EFCAB3: variants seen among roughly 807,000 people sequenced by gnomAD.
EFCAB3 encodes EF-hand calcium binding domain 3.
In EFCAB3, 36 loss-of-function variants were observed where a neutral mutation model predicts 42.2. That is an observed-to-expected ratio of 0.85 (90% CI 0.65 to 1.13). EFCAB3 has a LOEUF of 1.13. Ranked by LOEUF, EFCAB3 falls within the 50% of genes most tolerant of loss-of-function variation. EFCAB3 has a pLI of 0.00. For missense variants in EFCAB3, 418 were observed against 505.1 expected (o/e 0.83, Z 1.65); for synonymous variants, 170 against 172.8 (o/e 0.98, Z 0.13).
upstream of EFCAB3, among the ~76,000 whole-genome samples, chr17:62,378,195 T>C (rs1368081062): frequency 6.6e-6 from 1 of 152,236 alleles, no homozygotes. Context: ...AAGTTCCTTG[T>C]ACCTTTATAG....
intron 6 of EFCAB3, among the ~76,000 whole-genome samples, chr17:62,400,035 G>A (rs1321080738): frequency 1.3e-5 from 2 of 151,896 alleles, no homozygotes; most frequent in Non-Finnish European, 2.9e-5. Context: ...CTGTGAGGTA[G>A]GTCCTATTAC....
chr17:62,396,579 G>T (rs775746468), intron 6 of EFCAB3, among the ~76,000 whole-genome samples: 9 of 149,986 alleles, frequency 6.0e-5, no homozygotes, highest in Admixed American at 6.0e-4. Context: ...AAAAAAAAAA[G>T]AAAATTGAAG....
chr17:62,400,126 T>C (rs1480431096), intron 6 of EFCAB3, among the ~76,000 whole-genome samples: 1 of 152,048 alleles, frequency 6.6e-6, no homozygotes, highest in Non-Finnish European at 1.5e-5. Context: ...CCCTCTAGGG[T>C]TTCCATCTGC....
upstream of EFCAB3, among the ~76,000 whole-genome samples, chr17:62,380,002 A>C (rs2070182530): frequency 6.6e-6 from 1 of 152,088 alleles, no homozygotes; most frequent in Non-Finnish European, 1.5e-5. Flanking sequence ...ACTGATGAAG[A>C]CTTTCTCTTT....
rs532864070 is a variant in EFCAB3 at position 62,373,817 on chromosome 17, A to G, written c.38A>G (p.Asn13Ser). 3.3e-6 allele frequency: 5 copies of G among 1,510,740 alleles called. No homozygotes were observed. In the East Asian group the frequency reaches 9.9e-5, roughly 30 times the overall value. The allele number at this position is 1,510,740 out of a possible 1,614,324, so 93.6% of individuals were successfully genotyped here. A position where few individuals can be genotyped will look rare whatever the true frequency, so the allele number is the denominator to read the frequency against. ...TCTAAACCAAAATGTTTTACAGGAA[A>G]TGGAAAGATTAATGTTAATTCAATA... The change falls in exon 2 of 12, where the codon AAT becomes AGT. Residue 13 changes from asparagine to serine, a missense_variant. Coordinates refer to the EFCAB3 transcript ENST00000450662.
intron 9 of EFCAB3, among the ~76,000 whole-genome samples, chr17:62,415,392 T>G (rs191806127): frequency 6.6e-6 from 1 of 152,360 alleles, no homozygotes; most frequent in Non-Finnish European, 1.5e-5. Context: ...TGATTTTCAC[T>G]GAGGAATAGG....
intron 5 of EFCAB3, among the ~76,000 whole-genome samples, chr17:62,394,487 C>T (rs1051449682): frequency 5.3e-5 from 8 of 152,086 alleles, no homozygotes; most frequent in Non-Finnish European, 8.8e-5. Flanking sequence ...TCACGTGCTT[C>T]CACTAACTAA....
chr17:62,370,348 T>C, intron 1 of EFCAB3: 4 of 1,550,900 alleles, frequency 2.6e-6, no homozygotes, highest in Non-Finnish European at 3.5e-6. Context: ...TATAATTATG[T>C]TACCTTCTTA....
rs117678071 is a variant in EFCAB3 at position 62,381,876 on chromosome 17, G to A, written c.-17-1087G>A. 2,887 of 420,074 alleles carry A rather than the reference G, an allele frequency of 6.9e-3. 219 individuals carry two copies. The East Asian group carries it at 0.17, about 25-fold the overall frequency. The allele number at this position is 420,074 out of a possible 1,614,324, so 26.0% of individuals were successfully genotyped here. On this transcript the variant is annotated intron_variant, in intron 1 of 9. Coordinates refer to ENST00000305286, the MANE Select transcript of EFCAB3 (RefSeq NM_173503.4). ...GGTTGCCAGTGTACCTGCCGGTGGGGCTGTGGCTGTCTCTGCTGCCCCAGG... is the reference window on the plus strand; with the variant it reads ...GGTTGCCAGTGTACCTGCCGGTGGGACTGTGGCTGTCTCTGCTGCCCCAGG...
chr17:62,371,417 G>A (rs1437614502), intron 1 of EFCAB3, among the ~76,000 whole-genome samples: 1 of 152,006 alleles, frequency 6.6e-6, no homozygotes, highest in Non-Finnish European at 1.5e-5. Flanking sequence ...AATTAGCCGG[G>A]CTTGGTGGCA....
At chr17:62,371,591 A>G (rs889688547) in intron 1 of EFCAB3, among the ~76,000 whole-genome samples, 3 of 152,124 alleles carry the variant, frequency 2.0e-5, no homozygotes, top group African/African-American at 7.2e-5. Context: ...ATTGTGCATG[A>G]CTTTCATTTC....
intron 6 of EFCAB3, among the ~76,000 whole-genome samples, chr17:62,404,523 G>A (rs535092761): frequency 2.7e-4 from 41 of 152,170 alleles, no homozygotes; most frequent in African/African-American, 9.1e-4. Flanking sequence ...CAGGCTGGGC[G>A]CGGTGGCTCA....
At chr17:62,378,077 C>T (rs1421032293), upstream of EFCAB3, 78 of 1,375,234 alleles carry the variant, frequency 5.7e-5, 1 homozygote, top group South Asian at 9.8e-4. Context: ...CTTTGACTTA[C>T]ATTTTTTAAT....
chr17:62,416,268 A>G lies in EFCAB3; in HGVS notation c.1256A>G (p.Glu419Gly). The change falls in exon 10 of 10, where the codon GAA (glutamate) becomes GGA (glycine). Residue 419 changes from glutamate (E) to glycine (G), a missense_variant. Glu to Gly is a moderately conservative substitution (Grantham distance 98). Transcript: ENST00000305286. The part of the protein sequence containing the change: ...SRSSSSSDTS[E>G]CYTDSGRKRK... ...TCCTCTTCCTCATCAGATACCAGTG[A>G]ATGTTACACAGACTCAGGAAGAAAA... The G allele has an allele frequency of 6.2e-7, 1 of 1,613,920 alleles. No individual in the cohort carries two copies. Among genetic ancestry groups the G allele is most frequent in the Non-Finnish European group, 8.5e-7 (1 of 1,179,860 alleles).
chr17:62,407,222 AG>A lies in EFCAB3; in HGVS notation c.867+11del. The A allele has an allele frequency of 6.4e-7, 1 of 1,553,376 alleles. No homozygotes were observed. The highest frequency in any genetic ancestry group is 8.7e-7 in the Non-Finnish European group (1 of 1,153,726). ...AGACTGGAAAACACAGGTGAGATTTAGATTATGTCACATTAGTTAAATACTT... is the reference window on the plus strand; with the variant it reads ...AGACTGGAAAACACAGGTGAGATTTAATTATGTCACATTAGTTAAATACTT... On this transcript the variant is annotated intron_variant, in intron 8 of 9. Coordinates refer to ENST00000305286, the MANE Select transcript of EFCAB3 (RefSeq NM_173503.4).
upstream of EFCAB3, among the ~76,000 whole-genome samples, chr17:62,379,204 G>T (rs1327570878): frequency 2.0e-5 from 3 of 151,906 alleles, no homozygotes; most frequent in African/African-American, 7.3e-5. Flanking sequence ...GATTGCTGGG[G>T]GCCAGGATTT....
intron 8 of EFCAB3, 104 bp from the exon 9 acceptor site, chr17:62,413,628 A>G: frequency 9.5e-7 from 1 of 1,056,356 alleles, no homozygotes; most frequent in Non-Finnish European, 1.3e-6. Flanking sequence ...TATAAATTAT[A>G]TACAAATCCT....
At chr17:62,371,773 T>C (rs1236913708) in intron 1 of EFCAB3, among the ~76,000 whole-genome samples, 1 of 152,210 alleles carries the variant, frequency 6.6e-6, no homozygotes, top group Non-Finnish European at 1.5e-5. Context: ...TGAAATTTTA[T>C]TATTGTTTAT....
intron 9 of EFCAB3, among the ~76,000 whole-genome samples, chr17:62,414,813 G>A (rs1303204076): frequency 6.6e-6 from 1 of 151,920 alleles, no homozygotes; most frequent in Non-Finnish European, 1.5e-5. Flanking sequence ...TCTCTAAAAG[G>A]TTTTTCAGGG....
Sources: allele counts gnomAD v4.1 joint callset (sites outside exome capture counted in the v4.1 genomes callset), GRCh38; gene constraint gnomAD v4.1.1; transcripts MANE v1.5; gene names NCBI Gene and HGNC (gene_info 2026-07-23, HGNC 2026-07-21).